DAB2IP: variants seen among roughly 807,000 people sequenced by gnomAD.
The protein encoded by DAB2IP is DAB2 interacting protein.
DAB2IP carries 28 observed loss-of-function variants against 107.2 expected under a neutral mutation model. The ratio of observed to expected loss-of-function variants is 0.26; its 90% confidence interval spans 0.19 to 0.36. The LOEUF (loss-of-function observed/expected upper bound fraction) is 0.36, where lower values mean the gene tolerates loss of function less well. DAB2IP is among the 10% of genes least tolerant of loss of function. The pLI is 1.00. For synonymous variants in DAB2IP, 755 were observed against 706.4 expected (o/e 1.07, Z -1.09); for missense variants, 1,400 against 1,644.7 (o/e 0.85, Z 2.57).
chr9:121,773,243 G>A (rs1834906361), exon 12 of DAB2IP: 2 of 1,551,058 alleles, frequency 1.3e-6, no homozygotes, highest in African/African-American at 1.4e-5. Flanking sequence ...AGCCCACGGT[G>A]CCACGGCAGA....
intron 4 of DAB2IP, among the ~76,000 whole-genome samples, chr9:121,758,423 G>T (rs1310963785): frequency 6.6e-6 from 1 of 152,168 alleles, no homozygotes; most frequent in Non-Finnish European, 1.5e-5. Context: ...CTTGACGGAA[G>T]AGAACCCTCA....
intron 1 of DAB2IP, chr9:121,575,534 T>C (rs1830037719): frequency 6.6e-6 from 1 of 152,184 alleles, no homozygotes; most frequent in African/African-American, 2.4e-5. Context: ...AGGAAGAAAC[T>C]GACACACTCG....
At chr9:121,756,650 G>GA (rs1290531355) in intron 3 of DAB2IP, among the ~76,000 whole-genome samples, 2 of 152,256 alleles carry the variant, frequency 1.3e-5, no homozygotes, top group South Asian at 2.1e-4. Context: ...AAAGCGCCCA[G>GA]AACTGCAGAC....
chr9:121,751,003 C>T (rs1185856906), intron 3 of DAB2IP: 3 of 172,874 alleles, frequency 1.7e-5, no homozygotes, highest in Non-Finnish European at 2.5e-5. Context: ...GCTGCCCCAT[C>T]CCTGTATCCC....
intron 3 of DAB2IP, among the ~76,000 whole-genome samples, chr9:121,727,917 C>T (rs1286750943): frequency 6.6e-6 from 1 of 152,276 alleles, no homozygotes; most frequent in African/African-American, 2.4e-5. Flanking sequence ...CCTGAGCCAC[C>T]ACCCATCATC....
At chr9:121,653,182 GA>G (rs2119064640) in intron 1 of DAB2IP, among the ~76,000 whole-genome samples, 1 of 70,072 alleles carries the variant, frequency 1.4e-5, no homozygotes, top group Admixed American at 1.4e-4. Context: ...GTACTCCTTG[GA>G]GGGAGTACTA....
At chr9:121,654,818 G>A (rs1328577421) in intron 1 of DAB2IP, among the ~76,000 whole-genome samples, 1 of 152,198 alleles carries the variant, frequency 6.6e-6, no homozygotes, top group Non-Finnish European at 1.5e-5. Flanking sequence ...GCCTGGATCA[G>A]ACTCTTGCCC....
rs573931428 is a variant in DAB2IP, at chr9:121,776,050, G to C, written c.3121-148G>C. On this transcript the variant is annotated intron_variant, in intron 13 of 15. Coordinates refer to ENST00000408936, the Ensembl canonical transcript of DAB2IP. The surrounding 1 kb of genome is among the most constrained non-coding windows in gnomAD (Gnocchi z 5.4). ...AGCCCCCACCAGCTGGGCTCCTTGG[G>C]CATCTCCTTGCTATGTGAAGTGGGC... The C allele has an allele frequency of 1.1e-5, 10 of 925,010 alleles. No homozygotes were observed. The African/African-American group carries it at 1.3e-4, about 12-fold the overall frequency. The allele number at this position is 925,010 out of a possible 1,614,324, so 57.3% of individuals were successfully genotyped here.
At chr9:121,723,249 G>A (rs1283733263) in intron 3 of DAB2IP, among the ~76,000 whole-genome samples, 3 of 152,266 alleles carry the variant, frequency 2.0e-5, no homozygotes, top group Admixed American at 2.0e-4. Context: ...CAGAGAGGGA[G>A]GCAACAAGCA....
chr9:121,766,565 A>C, exon 9 of DAB2IP: 1 of 1,613,640 alleles, frequency 6.2e-7, no homozygotes, highest in Non-Finnish European at 8.5e-7. Context: ...GGCCGCCCGG[A>C]CATCAGTGAG....
chr9:121,657,138 C>T (rs10985347), intron 1 of DAB2IP, among the ~76,000 whole-genome samples: 30,380 of 152,176 alleles, frequency 0.2, 3,750 homozygotes, highest in South Asian at 0.31. Context: ...TGCTGTCATT[C>T]ATGACCTGCC....
In DAB2IP at chr9:121,774,718, G is replaced by GT. The variant is rs1398293507; in HGVS notation, c.3120+308dup. Among the ~76,000 whole-genome samples the GT allele has an allele frequency of 2.0e-5, 3 of 152,334 alleles. No individual in the cohort carries two copies. In the East Asian group the frequency reaches 5.8e-4, roughly 29 times the overall value. ...CTCCTTAGCCCAGGCAACTGAGGCA[G>GT]TTGAGCTTCCTGAGGACCTGGGGGT... On this transcript the variant is annotated intron_variant, in intron 13 of 15. Coordinates refer to ENST00000408936, the Ensembl canonical transcript of DAB2IP.
chr9:121,748,387 C>T (rs1832863905), intron 3 of DAB2IP, among the ~76,000 whole-genome samples: 2 of 152,188 alleles, frequency 1.3e-5, no homozygotes, highest in African/African-American at 4.8e-5. Flanking sequence ...AGAGGGTGAC[C>T]AGGCCGTTAG....
intron 1 of DAB2IP, among the ~76,000 whole-genome samples, chr9:121,569,995 G>C (rs57854258): frequency 0.015 from 2,228 of 152,018 alleles, 49 homozygotes; most frequent in African/African-American, 0.048. Context: ...GGGTCTTGCT[G>C]TGTTGCCCAG....
chr9:121,761,532 C>T (rs1206038969), intron 6 of DAB2IP, among the ~76,000 whole-genome samples: 1 of 152,222 alleles, frequency 6.6e-6, no homozygotes, highest in Non-Finnish European at 1.5e-5. Flanking sequence ...TTCCTAGAGG[C>T]CCTGGAAGGG....
chr9:121,642,723 G>A (rs1473718746), intron 1 of DAB2IP, among the ~76,000 whole-genome samples: 1 of 151,994 alleles, frequency 6.6e-6, no homozygotes, highest in Non-Finnish European at 1.5e-5. Context: ...GCATATGGCT[G>A]TGAACTGGAC....
intron 1 of DAB2IP, among the ~76,000 whole-genome samples, chr9:121,600,554 G>T (rs1459373022): frequency 6.6e-6 from 1 of 152,178 alleles, no homozygotes; most frequent in Non-Finnish European, 1.5e-5. Flanking sequence ...TGCTATTAAG[G>T]AGGGAAATTT....
At chr9:121,747,644 G>A (rs1453590991) in intron 3 of DAB2IP, among the ~76,000 whole-genome samples, 1 of 152,082 alleles carries the variant, frequency 6.6e-6, no homozygotes, top group Non-Finnish European at 1.5e-5. Context: ...ACCGCGCCCG[G>A]CCTAGATGCT....
chr9:121,654,319 A>G (rs1832886235), intron 1 of DAB2IP, among the ~76,000 whole-genome samples: 1 of 152,208 alleles, frequency 6.6e-6, no homozygotes, highest in African/African-American at 2.4e-5. Flanking sequence ...AGGCAACAGT[A>G]GTTTGGATTT....
Sources: gnomAD v4.1 joint callset for allele counts (sites outside exome capture counted in the v4.1 genomes callset) on GRCh38, gnomAD v4.1.1 for gene constraint, Gnocchi (gnomAD v3.1) non-coding constraint, MANE v1.5 for transcripts, NCBI Gene and HGNC (gene_info 2026-07-23, HGNC 2026-07-21) for gene names.